PPARGC1B: variants seen among roughly 807,000 people sequenced by gnomAD.
PPARGC1B encodes the protein peroxisome proliferator-activated receptor gamma coactivator 1-beta.
A neutral mutation model predicts 101.6 loss-of-function variants in PPARGC1B; 34 were observed. The ratio of observed to expected loss-of-function variants is 0.33; its 90% CI spans 0.25 to 0.45. The LOEUF is 0.45. PPARGC1B is among the 20% of genes least tolerant of loss of function. The pLI is 1.00. For synonymous variants in PPARGC1B, 548 were observed against 539.3 expected, an observed-to-expected ratio of 1.02 and a Z score of -0.22; for missense variants, 1,234 against 1,317.6, an observed-to-expected ratio of 0.94 and a Z score of 0.98.
intron 1 of PPARGC1B, among the ~76,000 whole-genome samples, chr5:149,769,047 A>T (rs116305004): frequency 0.01 from 1,575 of 152,346 alleles, 27 homozygotes; most frequent in African/African-American, 0.036. Flanking sequence ...CTCTATTTGC[A>T]GCCACTCCCC....
intron 1 of PPARGC1B, among the ~76,000 whole-genome samples, chr5:149,744,850 G>A (rs940588422): frequency 1.3e-5 from 2 of 151,748 alleles, no homozygotes; most frequent in Admixed American, 6.6e-5. Context: ...TGGCACTTGC[G>A]CTTAGTGATT....
intron 2 of PPARGC1B, among the ~76,000 whole-genome samples, 172 bp downstream of exon 2, chr5:149,820,778 G>T (rs997397686): frequency 2.0e-5 from 3 of 152,160 alleles, no homozygotes; most frequent in African/African-American, 7.2e-5. Flanking sequence ...CTGATCTGGC[G>T]CAGCGCACAT....
intron 1 of PPARGC1B, among the ~76,000 whole-genome samples, chr5:149,743,256 A>G (rs1008188987): frequency 6.6e-6 from 1 of 150,906 alleles, no homozygotes; most frequent in African/African-American, 2.4e-5. Context: ...CCTGGGTTCA[A>G]CTGATTCTCC....
chr5:149,754,095 T>C (rs1755419895), intron 1 of PPARGC1B, among the ~76,000 whole-genome samples: 1 of 152,244 alleles, frequency 6.6e-6, no homozygotes, highest in Non-Finnish European at 1.5e-5. Context: ...GTTTGTTTCT[T>C]CACACCTTCA....
chr5:149,847,882 G>A lies in PPARGC1B; in HGVS notation c.*324G>A, dbSNP rs994446431. 1.4e-5 allele frequency: 5 copies of A among 355,550 alleles called. No individual in the cohort carries two copies. Among genetic ancestry groups the A allele is most frequent in the East Asian group, 1.0e-4 (2 of 19,730 alleles). The allele number at this position is 355,550 out of a possible 1,614,324, so 22.0% of individuals were successfully genotyped here. On this transcript the variant is annotated 3_prime_UTR_variant, in exon 12 of 12. Transcript: ENST00000309241. Reference sequence around the variant, plus strand: ...CTTCCTTCCCGACTGACTTCCTCTCGTAGACTTGCAGCTGTGTTCACCATA... The same window carrying A: ...CTTCCTTCCCGACTGACTTCCTCTCATAGACTTGCAGCTGTGTTCACCATA...
At chr5:149,759,658 C>T (rs367570966) in intron 1 of PPARGC1B, among the ~76,000 whole-genome samples, 72 of 152,310 alleles carry the variant, frequency 4.7e-4, no homozygotes, top group Middle Eastern at 3.4e-3. Flanking sequence ...GGAGCTCCTC[C>T]GGCTCCTTCC....
intron 1 of PPARGC1B, among the ~76,000 whole-genome samples, chr5:149,737,747 G>A (rs557489689): frequency 8.5e-5 from 13 of 152,268 alleles, no homozygotes; most frequent in South Asian, 4.2e-4. Flanking sequence ...TAATCCCAGC[G>A]CTTTGGGAGG....
Position 149,836,075 on chromosome 5 carries a change from G to T in PPARGC1B, c.1808-188G>T, listed in dbSNP as rs796658375. On this transcript the variant is annotated intron_variant, in intron 7 of 11. Coordinates refer to ENST00000309241, the MANE Select transcript of PPARGC1B (RefSeq NM_133263.4). Reference sequence around the variant, plus strand: ...TTTAATTTTTTTGTATTTTAGTAGAGACATGATTTCACCGTGTTGGCCAGG... The same window carrying T: ...TTTAATTTTTTTGTATTTTAGTAGATACATGATTTCACCGTGTTGGCCAGG... Among the ~76,000 whole-genome samples, 55 of 150,606 alleles carry T rather than the reference G, an allele frequency of 3.7e-4. 1 individual carries two copies. In the Middle Eastern group the frequency reaches 0.014, roughly 37 times the overall value.
chr5:149,832,996 C>A lies in PPARGC1B; in HGVS notation c.923C>A (p.Thr308Asn). Residue 308 changes from threonine (T) to asparagine (N), a missense_variant, in exon 5 of 12, where the codon ACC becomes AAC. Coordinates refer to ENST00000309241, the MANE Select transcript of PPARGC1B (RefSeq NM_133263.4). The surrounding 1 kb of genome is among the most constrained non-coding windows in gnomAD (Gnocchi z 4.9). ...CCCCAGAGGAAGCTGCCCCCACAGA[C>A]CCCTGAGCCACTCCCCAAGGCCTGC... is the stretch of plus-strand genomic sequence containing the variant. ...CLPQRKLPPQ[T>N]PEPLPKACSN... is the part of the protein sequence containing the mutation. 1 of 1,613,606 alleles carries A rather than the reference C, an allele frequency of 6.2e-7. No individual in the cohort carries two copies. Among genetic ancestry groups the A allele is most frequent in the Non-Finnish European group, 8.5e-7 (1 of 1,180,026 alleles).
chr5:149,774,521 T>TA (rs1244643976), intron 1 of PPARGC1B, among the ~76,000 whole-genome samples: 1 of 151,978 alleles, frequency 6.6e-6, no homozygotes, highest in Non-Finnish European at 1.5e-5. Context: ...CTGACCACAA[T>TA]AATCACATCC....
chr5:149,833,145 C>G lies in PPARGC1B; in HGVS notation c.1072C>G (p.Pro358Ala). The change falls in exon 5 of 12, where the codon CCC (proline) becomes GCC (alanine). Residue 358 changes from proline (P) to alanine (A), a missense_variant. Pro to Ala is a conservative substitution (Grantham distance 27). Coordinates refer to ENST00000309241, the MANE Select transcript of PPARGC1B (RefSeq NM_133263.4). This position sits in a 1 kb window ranked among gnomAD's most constrained non-coding sequence, Gnocchi z 4.1. Reference protein sequence around the residue: ...AQDVLCDVSKPYRLATPVYAS... With the variant: ...AQDVLCDVSKAYRLATPVYAS... ...AGACGTGCTCTGTGATGTCAGCAAA[C>G]CCTACCGTCTGGCCACGCCTGTTTA... The G allele has an allele frequency of 6.2e-7, 1 of 1,613,762 alleles. No homozygotes were observed. Among genetic ancestry groups the G allele is most frequent in the East Asian group, 2.2e-5 (1 of 44,876 alleles).
chr5:149,752,555 G>A (rs918618263), intron 1 of PPARGC1B, among the ~76,000 whole-genome samples: 43 of 152,248 alleles, frequency 2.8e-4, no homozygotes, highest in Admixed American at 2.6e-3. Context: ...CAGGCCAGGC[G>A]TGGCGGCTCA....
In PPARGC1B at chr5:149,836,256, C is replaced by T. The variant is rs746486896; in HGVS notation, c.1808-7C>T. The T allele has an allele frequency of 1.9e-5, 29 of 1,539,986 alleles. No homozygotes were observed. Among genetic ancestry groups the T allele is most frequent in the African/African-American group, 1.7e-4 (12 of 71,958 alleles). On this transcript the variant is annotated splice_region_variant and splice_polypyrimidine_tract_variant and intron_variant, in intron 7 of 11. Transcript: ENST00000309241. Reference sequence around the variant, plus strand: ...TTTATCTTACCTTTCTCCTCTTCCTCGGGCAGGACTCACCCCACCCACCAC... The same window carrying T: ...TTTATCTTACCTTTCTCCTCTTCCTTGGGCAGGACTCACCCCACCCACCAC...
At position 149,853,190 on chromosome 5, in the gene PPARGC1B, A is replaced by C. The variant is rs1295519562; in HGVS notation, c.*5632A>C. ...CACCTCAGCACTTTGCCTTATCAAC[A>C]TGCGGTCGCCATCTAGTGGCCAAAG... On this transcript the variant is annotated 3_prime_UTR_variant, in exon 12 of 12. Coordinates refer to ENST00000309241, the MANE Select transcript of PPARGC1B (RefSeq NM_133263.4). This position sits in a 1 kb window ranked among gnomAD's most constrained non-coding sequence, Gnocchi z 4.2. 6.6e-6 allele frequency: 1 copy of C among 152,058 alleles called. No individual in the cohort carries two copies. Among genetic ancestry groups the C allele is most frequent in the African/African-American group, 2.4e-5 (1 of 41,384 alleles). The allele number at this position is 152,058 out of a possible 1,614,324, so 9.4% of individuals were successfully genotyped here.
At chr5:149,823,432 T>C (rs1758380893) in intron 2 of PPARGC1B, among the ~76,000 whole-genome samples, 1 of 152,184 alleles carries the variant, frequency 6.6e-6, no homozygotes, top group Non-Finnish European at 1.5e-5. Flanking sequence ...TGTTCCGTGA[T>C]GTTTCTTCAA....
intron 1 of PPARGC1B, among the ~76,000 whole-genome samples, chr5:149,744,524 A>G (rs937262977): frequency 1.3e-5 from 2 of 152,232 alleles, no homozygotes. Context: ...GGAAAGGTAC[A>G]TTCTGTTCAG....
At position 149,832,538 on chromosome 5, in the gene PPARGC1B, C is replaced by A; in HGVS notation, c.583-118C>A. ...GAAGCTGGGGACGGAATGAAGGAAA[C>A]CTGGCTGTTCCTATGATCCAGGTGA... is the stretch of plus-strand genomic sequence containing the variant. On this transcript the variant is annotated intron_variant, in intron 4 of 11. Transcript: ENST00000309241. This position sits in a 1 kb window ranked among gnomAD's most constrained non-coding sequence, Gnocchi z 4.9. The A allele has an allele frequency of 3.7e-6, 3 of 820,988 alleles. No individual in the cohort carries two copies. The highest frequency in any genetic ancestry group is 5.6e-6 in the Non-Finnish European group (3 of 531,110). The allele number at this position is 820,988 out of a possible 1,614,324, so 50.9% of individuals were successfully genotyped here.
At chr5:149,765,694 TA>T (rs935821138) in intron 1 of PPARGC1B, among the ~76,000 whole-genome samples, 1 of 151,430 alleles carries the variant, frequency 6.6e-6, no homozygotes, top group Non-Finnish European at 1.5e-5. Flanking sequence ...CCGTGTGTAC[TA>T]AAAAAAATAC....
intron 1 of PPARGC1B, among the ~76,000 whole-genome samples, chr5:149,803,200 A>G (rs1281622593): frequency 1.3e-5 from 2 of 152,140 alleles, no homozygotes; most frequent in Non-Finnish European, 2.9e-5. Context: ...TCATACTATT[A>G]GCACAGAGGA....
Sources: allele counts gnomAD v4.1 joint callset (sites outside exome capture counted in the v4.1 genomes callset), GRCh38; gene constraint gnomAD v4.1.1; non-coding constraint Gnocchi (gnomAD v3.1); transcripts MANE v1.5; gene names NCBI Gene and HGNC (gene_info 2026-07-23, HGNC 2026-07-21).